The following PSME4 variants were observed in gnomAD, a reference collection of about 807,000 sequenced individuals.
PSME4 encodes the protein proteasome activator subunit 4.
PSME4 carries 89 observed loss-of-function variants against 253.9 expected under a neutral mutation model. The observed-to-expected ratio is 0.35, with a 90% CI of 0.30 to 0.42. PSME4 has a LOEUF of 0.42. Among genes scored for constraint, PSME4 ranks in the 10% least tolerant of loss-of-function variants. The pLI is 1.00. For missense variants in PSME4, 2,014 were observed against 2,195.2 expected (o/e 0.92, Z 1.65); for synonymous variants, 851 against 759.2 (o/e 1.12, Z -1.99).
Position 53,920,919 on chromosome 2 carries a change from G to C in PSME4, c.2232C>G (p.Asp744Glu). ...TEYCSVPGGFDKPPSEYFPIK... is the reference protein window; with the variant it reads ...TEYCSVPGGFEKPPSEYFPIK... Reference sequence around the variant, plus strand: ...TAGGAAAGTATTCAGAAGGAGGCTTGTCAAAGCCACCTGGCACACTGCAGT... The same window carrying C: ...TAGGAAAGTATTCAGAAGGAGGCTTCTCAAAGCCACCTGGCACACTGCAGT... The change falls in exon 18 of 47, where the codon GAC becomes GAG. Residue 744 changes from aspartate (D) to glutamate (E), a missense_variant. By Grantham distance (45) the Asp-to-Glu change is conservative. Coordinates refer to ENST00000404125, the MANE Select transcript of PSME4 (RefSeq NM_014614.3). The C allele has an allele frequency of 6.2e-7, 1 of 1,612,582 alleles. No homozygotes were observed. Among genetic ancestry groups the C allele is most frequent in the Non-Finnish European group, 8.5e-7 (1 of 1,178,662 alleles).
chr2:53,927,040 A>G (rs1668588761), intron 12 of PSME4, among the ~76,000 whole-genome samples: 1 of 151,346 alleles, frequency 6.6e-6, no homozygotes, highest in African/African-American at 2.5e-5. Context: ...GAATGAAGAA[A>G]ATCTTTCTTC....
intron 37 of PSME4, among the ~76,000 whole-genome samples, chr2:53,889,476 C>G (rs1679799176): frequency 6.6e-6 from 1 of 152,002 alleles, no homozygotes; most frequent in Non-Finnish European, 1.5e-5. Context: ...ACCATCCCCC[C>G]ACCCCCTTCT....
Position 53,928,172 on chromosome 2 carries a change from G to C in PSME4, c.1448C>G (p.Pro483Arg), listed in dbSNP as rs1352746295. The change falls in exon 11 of 47, where the codon CCT (proline) becomes CGT (arginine). Residue 483 changes from proline (P) to arginine (R), a missense_variant. Pro to Arg is a moderately radical substitution (Grantham distance 103). Around this residue, in one of 4 missense-constraint regions of PSME4, gnomAD observed 615 missense variants for 594.4 expected, o/e 1.03. Coordinates refer to ENST00000404125, the MANE Select transcript of PSME4 (RefSeq NM_014614.3). The part of the protein sequence containing the change: ...WFPEGPTHML[P>R]LLMRALPGVD... ...CCCAGGCAATGCTCTCATCAACAGA[G>C]GTAGCATATGTGTAGGACCTTCAGG... The C allele has an allele frequency of 3.1e-6, 5 of 1,613,886 alleles. No individual in the cohort carries two copies. The highest frequency in any genetic ancestry group is 3.3e-5 in the Admixed American group (2 of 59,988).
intron 7 of PSME4, among the ~76,000 whole-genome samples, chr2:53,935,494 T>C (rs1459420863): frequency 6.6e-6 from 1 of 152,156 alleles, no homozygotes; most frequent in Non-Finnish European, 1.5e-5. Flanking sequence ...ACAGGTGAAA[T>C]AGTACTGAAG....
chr2:53,931,291 T>A (rs1026941349), intron 10 of PSME4, among the ~76,000 whole-genome samples: 21 of 151,760 alleles, frequency 1.4e-4, no homozygotes, highest in African/African-American at 4.6e-4. Flanking sequence ...GAAAAGTAGC[T>A]GTCTCTCTCT....
chr2:53,902,062 G>A (rs1167649753), intron 27 of PSME4, among the ~76,000 whole-genome samples: 3 of 152,092 alleles, frequency 2.0e-5, no homozygotes, highest in Admixed American at 6.6e-5. Context: ...GCAGGACCCT[G>A]TCTCCAAAAA....
Position 53,923,052 on chromosome 2 carries a change from T to C in PSME4, c.1975A>G (p.Met659Val). 2.5e-6 allele frequency: 4 copies of C among 1,570,926 alleles called. No homozygotes were observed. Among genetic ancestry groups the C allele is most frequent in the Non-Finnish European group, 3.5e-6 (4 of 1,155,350 alleles). ...HCCSVITQLTMNDDVLNDEEL... is the reference protein window; with the variant it reads ...HCCSVITQLTVNDDVLNDEEL... The stretch of plus-strand genomic sequence containing the variant: ...GAATAATGACCTTATGACTTACTCA[T>C]TGTAAGCTGAGTTATAACACTGCAG... Residue 659 changes from methionine (M) to valine (V), a missense_variant, in exon 16 of 47, where the codon ATG (methionine) becomes GTG (valine). Physicochemically the swap from Met to Val is conservative, Grantham distance 21. Transcript: ENST00000404125.
intron 45 of PSME4, among the ~76,000 whole-genome samples, chr2:53,866,444 A>G (rs911305461): frequency 6.6e-6 from 1 of 152,246 alleles, no homozygotes; most frequent in African/African-American, 2.4e-5. Flanking sequence ...CCAGTAAAAT[A>G]CTTTGCAGTG....
At position 53,948,462 on chromosome 2, in the gene PSME4, T is replaced by C. The variant is rs1328310773; in HGVS notation, c.459A>G (p.Leu153=). 10 of 1,613,374 alleles carry C rather than the reference T, an allele frequency of 6.2e-6. No homozygotes were observed. The highest frequency in any genetic ancestry group is 8.5e-6 in the Non-Finnish European group (10 of 1,179,370). ...RPLYDMVERI[L]YSKTEHLGLN... ...ATCCTAGGTGCTCTGTCTTGGAATA[T>C]AATATTCTTTCTACCATGTCATAAA... The change falls in exon 3 of 47, where the codon TTA becomes TTG. Residue 153 remains leucine (L), a synonymous_variant. Transcript: ENST00000404125.
chr2:53,912,862 CATT>C (rs1402844400), intron 20 of PSME4, among the ~76,000 whole-genome samples: 2 of 152,188 alleles, frequency 1.3e-5, no homozygotes, highest in Non-Finnish European at 2.9e-5. Flanking sequence ...TTATAGATCT[CATT>C]GTGCCCAGGA....
Position 53,876,716 on chromosome 2 carries a change from C to CTTTTTTTTTTTTTTT in PSME4, c.4816-976_4816-962dup, listed in dbSNP as rs10599430. ...TCTGATGGCTGTAGCCACTGTCATT[C>CTTTTTTTTTTTTTTT]TTTTTTTTTTTTTTTTTTTTGAGAC... On this transcript the variant is annotated intron_variant, in intron 41 of 46. Coordinates refer to ENST00000404125, the MANE Select transcript of PSME4 (RefSeq NM_014614.3). 4.2e-4 allele frequency among the ~76,000 whole-genome samples: 41 copies of CTTTTTTTTTTTTTTT among 97,842 alleles called. 7 individuals carry two copies. The highest frequency in any genetic ancestry group is 1.0e-3 in the Admixed American group (8 of 7,796). 64.2% of individuals were successfully genotyped at this position (97,842 alleles called of 152,430 possible).
At chr2:53,936,022 C>A in intron 7 of PSME4, 65 bp downstream of exon 7, 2 of 1,548,512 alleles carry the variant, frequency 1.3e-6, no homozygotes, top group East Asian at 2.4e-5. Flanking sequence ...GCCACCCGAG[C>A]AGCTGGGATT....
intron 1 of PSME4, among the ~76,000 whole-genome samples, chr2:53,956,354 C>T (rs1363398936): frequency 6.6e-6 from 1 of 151,652 alleles, no homozygotes; most frequent in African/African-American, 2.4e-5. Context: ...CACGGTGAAA[C>T]CCCGTCTCTA....
chr2:53,866,361 A>G (rs188996797), intron 45 of PSME4, 138 bp from the exon 46 acceptor site: 860 of 905,336 alleles, frequency 9.5e-4, no homozygotes, highest in Non-Finnish European at 1.2e-3. Context: ...CAAAAAGCCA[A>G]TGAGAAGGAC....
In PSME4 at chr2:53,920,897, G is replaced by C. The variant is rs1433612542; in HGVS notation, c.2254C>G (p.Pro752Ala). 1 of 1,598,960 alleles carries C rather than the reference G, an allele frequency of 6.3e-7. No individual in the cohort carries two copies. ...GFDKPPSEYF[P>A]IKDWGKPGDL... The stretch of plus-strand genomic sequence containing the variant: ...GTACTGAAAATGCTTGCCTTGATAG[G>C]AAAGTATTCAGAAGGAGGCTTGTCA... The change falls in exon 18 of 47, where the codon CCT becomes GCT. Residue 752 changes from proline to alanine, a missense_variant. By Grantham distance (27) the Pro-to-Ala change is conservative. This residue lies in a region of PSME4 where 989 missense variants were observed against 1,021.1 expected (regional missense o/e 0.97). Transcript: ENST00000404125.
chr2:53,892,265 G>T (rs1166707202), intron 36 of PSME4, among the ~76,000 whole-genome samples: 1 of 152,122 alleles, frequency 6.6e-6, no homozygotes, highest in African/African-American at 2.4e-5. Context: ...CATTTGACCA[G>T]GTTATTTTTA....
chr2:53,960,635 A>C (rs1027514684), intron 1 of PSME4, among the ~76,000 whole-genome samples: 25 of 152,250 alleles, frequency 1.6e-4, no homozygotes, highest in Admixed American at 1.4e-3. Context: ...CTGCTCTGTC[A>C]GTCCCTTGGG....
Position 53,925,951 on chromosome 2 carries a change from A to G in PSME4, c.1658+8T>C. On this transcript the variant is annotated splice_region_variant and intron_variant, in intron 13 of 46. Coordinates refer to ENST00000404125, the MANE Select transcript of PSME4 (RefSeq NM_014614.3). Reference sequence around the variant, plus strand: ...TCAGCTAAACGTTGGTGTGGGTTACAAGCTCACCTGTCCATAAACTGTAAG... The same window carrying G: ...TCAGCTAAACGTTGGTGTGGGTTACGAGCTCACCTGTCCATAAACTGTAAG... The G allele has an allele frequency of 6.2e-7, 1 of 1,610,414 alleles. No homozygotes were observed. The highest frequency in any genetic ancestry group is 8.5e-7 in the Non-Finnish European group (1 of 1,176,722).
In PSME4 at chr2:53,901,487, C is replaced by T. The variant is rs773394261; in HGVS notation, c.3148G>A (p.Val1050Ile). 6.2e-7 allele frequency: 1 copy of T among 1,614,012 alleles called. No individual in the cohort carries two copies. The highest frequency in any genetic ancestry group is 1.1e-5 in the South Asian group (1 of 91,080). ...GAAACAATCGCTGGCCACGTCTGTA[C>T]AATACAGTCCCAATCATGAAGGTTT... is the stretch of plus-strand genomic sequence containing the variant. ...LANLHDWDCI[V>I]QTWPAIVSSG... The change falls in exon 28 of 47, where the codon GTA becomes ATA. Residue 1050 changes from valine (V) to isoleucine (I), a missense_variant. Coordinates refer to ENST00000404125, the MANE Select transcript of PSME4 (RefSeq NM_014614.3).
Sources: allele counts gnomAD v4.1 joint callset (sites outside exome capture counted in the v4.1 genomes callset), GRCh38; gene constraint gnomAD v4.1.1; regional missense constraint gnomAD v4.1.1; transcripts MANE v1.5; gene names NCBI Gene and HGNC (gene_info 2026-07-23, HGNC 2026-07-21).